BPNT1: variants seen among roughly 807,000 people sequenced by gnomAD.
BPNT1 encodes 3'(2'), 5'-bisphosphate nucleotidase 1.
A neutral mutation model predicts 36.9 loss-of-function variants in BPNT1; 28 were observed. The observed-to-expected ratio is 0.76, with a 90% confidence interval of 0.56 to 1.04. The LOEUF (loss-of-function observed/expected upper bound fraction) is 1.04, where lower values mean the gene tolerates loss of function less well. Ranked by LOEUF, BPNT1 falls within the 50% of genes least tolerant of loss-of-function variation. The pLI, the probability that BPNT1 is intolerant of heterozygous loss-of-function variation, is 0.00. For missense variants in BPNT1, 313 were observed against 372.9 expected (o/e 0.84, Z 1.32); for synonymous variants, 119 against 130.9 (o/e 0.91, Z 0.62).
At chr1:220,077,533 G>A (rs753442559) in intron 2 of BPNT1, among the ~76,000 whole-genome samples, 2 of 151,938 alleles carry the variant, frequency 1.3e-5, no homozygotes, top group Non-Finnish European at 2.9e-5. Context: ...CCCAAGCTAG[G>A]ACTACAAGCA....
chr1:220,066,431 A>C (rs186974982), intron 6 of BPNT1, among the ~76,000 whole-genome samples: 13 of 152,284 alleles, frequency 8.5e-5, no homozygotes, highest in Admixed American at 4.6e-4. Context: ...TTCTTAATAT[A>C]ATTTATAATC....
chr1:220,072,726 A>G, intron 4 of BPNT1, 124 bp downstream of exon 4: 1 of 701,602 alleles, frequency 1.4e-6, no homozygotes, highest in Admixed American at 2.5e-5. Context: ...TCTGAAAGAT[A>G]TCAAGTTTCT....
intron 4 of BPNT1, 146 bp from the exon 5 acceptor site, chr1:220,069,578 G>A: frequency 1.8e-6 from 1 of 548,936 alleles, no homozygotes; most frequent in South Asian, 3.3e-5. Flanking sequence ...TTTTGAGATA[G>A]TACAAAAAGC....
intron 5 of BPNT1, 89 bp from the exon 6 acceptor site, chr1:220,067,482 G>C: frequency 2.5e-6 from 2 of 815,832 alleles, no homozygotes; most frequent in Non-Finnish European, 3.9e-6. Flanking sequence ...TAGTTTTGCA[G>C]TTAAGGTATG....
rs1662911967 is a variant in BPNT1 at position 220,060,374 on chromosome 1, G to C, written c.673-583C>G. On this transcript the variant is annotated intron_variant, in intron 7 of 8. Coordinates refer to ENST00000322067, the MANE Select transcript of BPNT1 (RefSeq NM_006085.6). ...GTCTGTAATCCTAGCTACTTGGGAG[G>C]CTGAGGCACGAGAATCGTTTGAACC... Among the ~76,000 whole-genome samples the C allele has an allele frequency of 2.0e-5, 3 of 152,120 alleles. No homozygotes were observed. The South Asian group carries it at 6.2e-4, about 31-fold the overall frequency.
At chr1:220,059,494 A>G (rs1306011742) in intron 8 of BPNT1, among the ~76,000 whole-genome samples, 192 bp downstream of exon 8, 1 of 151,994 alleles carries the variant, frequency 6.6e-6, no homozygotes, top group Non-Finnish European at 1.5e-5. Context: ...GACGATAACT[A>G]AAGTAAAACT....
At position 220,058,227 on chromosome 1, in the gene BPNT1, T is replaced by G. The variant is rs1034670118; in HGVS notation, c.*617A>C. The stretch of plus-strand genomic sequence containing the variant: ...AGAAGATAGGAATGTTCATTGAACA[T>G]TGACCTGAACTGTCAATTGGAACTA... On this transcript the variant is annotated 3_prime_UTR_variant, in exon 9 of 9. Coordinates refer to ENST00000322067, the MANE Select transcript of BPNT1 (RefSeq NM_006085.6). 4.8e-5 allele frequency: 48 copies of G among 993,776 alleles called. No individual in the cohort carries two copies. Among genetic ancestry groups the G allele is most frequent in the African/African-American group, 7.0e-5 (4 of 57,454 alleles). 61.6% of individuals were successfully genotyped at this position (993,776 alleles called of 1,614,324 possible). A position where few individuals can be genotyped will look rare whatever the true frequency, so the allele number is the denominator to read the frequency against.
chr1:220,057,680 G>T lies in BPNT1; in HGVS notation c.*1164C>A. The T allele has an allele frequency of 2.5e-6, 1 of 407,542 alleles. No individual in the cohort carries two copies. The highest frequency in any genetic ancestry group is 4.7e-6 in the Non-Finnish European group (1 of 213,622). The allele number at this position is 407,542 out of a possible 1,614,324, so 25.2% of individuals were successfully genotyped here. On this transcript the variant is annotated 3_prime_UTR_variant, in exon 9 of 9. Transcript: ENST00000322067. ...TAAACTAATCCCCAAAGTCGAGAAT[G>T]TATAATTTTCAAACACTTTTTTAAA...
chr1:220,078,607 A>AT (rs1018064676), intron 2 of BPNT1, among the ~76,000 whole-genome samples: 1 of 146,732 alleles, frequency 6.8e-6, no homozygotes, highest in African/African-American at 2.5e-5. Flanking sequence ...ATATATATAT[A>AT]TTTTTTTGAG....
chr1:220,089,049 CGA>C (rs2102800586), intron 1 of BPNT1, among the ~76,000 whole-genome samples: 1 of 129,366 alleles, frequency 7.7e-6, no homozygotes, highest in African/African-American at 3.0e-5. Flanking sequence ...TGCAGTGAGC[CGA>C]GATTGCACCA....
intron 7 of BPNT1, among the ~76,000 whole-genome samples, chr1:220,061,549 A>C (rs557260422): frequency 1.0e-3 from 151 of 151,512 alleles, no homozygotes; most frequent in Non-Finnish European, 1.5e-3. Flanking sequence ...AAAAAAAAAA[A>C]CAAAAAACTA....
intron 1 of BPNT1, among the ~76,000 whole-genome samples, chr1:220,084,229 G>A (rs563509214): frequency 6.6e-6 from 1 of 152,116 alleles, no homozygotes; most frequent in African/African-American, 2.4e-5. Flanking sequence ...CTACTCGGGA[G>A]GCTGAGGCAG....
At chr1:220,089,093 T>C (rs1571830924) in intron 1 of BPNT1, among the ~76,000 whole-genome samples, 1 of 96,612 alleles carries the variant, frequency 1.0e-5, no homozygotes, top group African/African-American at 4.4e-5. Context: ...AGAGCGAGAC[T>C]CCGTCTCGAA....
Position 220,069,429 on chromosome 1 carries a change from C to T in BPNT1, c.337G>A (p.Val113Met), listed in dbSNP as rs564542643. 1.9e-5 allele frequency: 30 copies of T among 1,598,992 alleles called. No homozygotes were observed. Among genetic ancestry groups the T allele is most frequent in the Middle Eastern group, 1.7e-4 (1 of 6,008 alleles). The change falls in exon 5 of 9, where the codon GTG becomes ATG. Residue 113 changes from valine (V) to methionine (M), a missense_variant. Physicochemically the swap from Val to Met is conservative, Grantham distance 21. Transcript: ENST00000322067. Reference sequence around the variant, plus strand: ...CCATCCAGAGGATCAACCCAGACCACGAGCTAAAATTAAAAAGAGAGAAGG... The same window carrying T: ...CCATCCAGAGGATCAACCCAGACCATGAGCTAAAATTAAAAAGAGAGAAGG... The part of the protein sequence containing the change: ...QYSAIKEEDL[V>M]VWVDPLDGTK...
At chr1:220,081,832 T>C (rs1655155860) in intron 1 of BPNT1, among the ~76,000 whole-genome samples, 1 of 151,982 alleles carries the variant, frequency 6.6e-6, no homozygotes, top group South Asian at 2.1e-4. Flanking sequence ...TGGGGTCAAC[T>C]GAGGCCTTAG....
At chr1:220,074,873 C>A (rs543071011) in intron 2 of BPNT1, among the ~76,000 whole-genome samples, 2 of 152,228 alleles carry the variant, frequency 1.3e-5, no homozygotes, top group Non-Finnish European at 1.5e-5. Context: ...ACCTATGGCA[C>A]CCTCACTCAA....
chr1:220,083,881 G>GA, intron 1 of BPNT1, among the ~76,000 whole-genome samples: 1 of 152,054 alleles, frequency 6.6e-6, no homozygotes, highest in East Asian at 1.9e-4. Flanking sequence ...GGGGTTCCTG[G>GA]AATCAACCTC....
intron 1 of BPNT1, among the ~76,000 whole-genome samples, chr1:220,082,174 T>C (rs1391539126): frequency 7.2e-6 from 1 of 139,260 alleles, no homozygotes; most frequent in Admixed American, 7.7e-5. Context: ...ATATATTTTA[T>C]ATTTTTTATA....
chr1:220,084,713 G>A (rs1419731317), intron 1 of BPNT1, among the ~76,000 whole-genome samples: 1 of 152,096 alleles, frequency 6.6e-6, no homozygotes, highest in Non-Finnish European at 1.5e-5. Flanking sequence ...AGTCCATGGT[G>A]TTTTCTTCCA....
Sources: allele counts gnomAD v4.1 joint callset (sites outside exome capture counted in the v4.1 genomes callset), GRCh38; gene constraint gnomAD v4.1.1; transcripts MANE v1.5; gene names NCBI Gene and HGNC (gene_info 2026-07-23, HGNC 2026-07-21).